Variants in GLMN observed in about 807,000 individuals in gnomAD.
GLMN encodes the protein glomulin, FKBP associated protein.
A neutral mutation model predicts 87.8 loss-of-function variants in GLMN; 75 were observed. That is an observed-to-expected ratio of 0.85 (90% CI 0.71 to 1.04). The LOEUF (loss-of-function observed/expected upper bound fraction) is 1.04. Among genes scored for constraint, GLMN ranks in the 50% least tolerant of loss-of-function variants. The pLI is 0.00. For synonymous variants in GLMN, 206 were observed against 221.6 expected (o/e 0.93, Z 0.63); for missense variants, 588 against 658.8 (o/e 0.89, Z 1.18).
At chr1:92,285,857 A>G (rs1648688600) in intron 7 of GLMN, among the ~76,000 whole-genome samples, 1 of 152,238 alleles carries the variant, frequency 6.6e-6, no homozygotes, top group African/African-American at 2.4e-5. Context: ...TCTAATACAG[A>G]ATCTGAGCAC....
At chr1:92,338,346 T>G in the GLMN span, among the ~76,000 whole-genome samples, 1 of 152,244 alleles carries the variant, frequency 6.6e-6, no homozygotes, top group Admixed American at 6.5e-5. Context: ...CAAAAGAGGA[T>G]TTGAGCAAAA....
chr1:92,361,723 T>C, the GLMN span, among the ~76,000 whole-genome samples: 22 of 152,308 alleles, frequency 1.4e-4, 1 homozygote, highest in East Asian at 4.0e-3. Context: ...CAAAGTTAGA[T>C]GTAAATGTGA....
the GLMN span, among the ~76,000 whole-genome samples, chr1:92,349,745 T>C: frequency 1.3e-5 from 2 of 152,052 alleles, no homozygotes; most frequent in Non-Finnish European, 2.9e-5. Context: ...CTGAGCAACA[T>C]AGTGAGACCC....
the GLMN span, chr1:92,323,332 C>T: frequency 6.4e-6 from 4 of 628,370 alleles, no homozygotes; most frequent in Admixed American, 9.7e-5. Flanking sequence ...ATAAAAATTT[C>T]TACCTTGAAA....
the GLMN span, among the ~76,000 whole-genome samples, chr1:92,368,664 G>A: frequency 2.5e-4 from 38 of 152,208 alleles, 1 homozygote; most frequent in Admixed American, 1.4e-3. Flanking sequence ...CAGTTATCTT[G>A]CCCAAACTTG....
chr1:92,324,334 G>A, the GLMN span: 7 of 1,613,914 alleles, frequency 4.3e-6, no homozygotes, highest in Non-Finnish European at 4.2e-6. Context: ...AGGACGGTAT[G>A]TTTTGGGTGA....
chr1:92,354,676 T>C, the GLMN span, among the ~76,000 whole-genome samples: 2 of 152,110 alleles, frequency 1.3e-5, no homozygotes, highest in Non-Finnish European at 2.9e-5. Context: ...TAGTTTCTTA[T>C]AATCAAAGTT....
chr1:92,358,783 T>G, the GLMN span, among the ~76,000 whole-genome samples: 1 of 152,190 alleles, frequency 6.6e-6, no homozygotes, highest in African/African-American at 2.4e-5. Flanking sequence ...GATAGGGGTC[T>G]CACTTTGTTG....
At chr1:92,291,841 C>T (rs532937497) in intron 3 of GLMN, among the ~76,000 whole-genome samples, 1 of 152,280 alleles carries the variant, frequency 6.6e-6, no homozygotes, top group Admixed American at 6.5e-5. Context: ...TTGCTTAATA[C>T]AGGTACTTAA....
At chr1:92,346,419 C>T in the GLMN span, among the ~76,000 whole-genome samples, 38 of 152,310 alleles carry the variant, frequency 2.5e-4, no homozygotes, top group East Asian at 3.3e-3. Flanking sequence ...CTGCCTCTAC[C>T]TCCCAAACTG....
At chr1:92,305,430 C>T in the GLMN span, among the ~76,000 whole-genome samples, 3 of 18,384 alleles carry the variant, frequency 1.6e-4, no homozygotes, top group Admixed American at 2.4e-3. Context: ...GAGGCTCCGT[C>T]TCAAAAAAAA....
chr1:92,256,705 C>A (rs1226909480), intron 16 of GLMN, among the ~76,000 whole-genome samples: 1 of 152,124 alleles, frequency 6.6e-6, no homozygotes, highest in East Asian at 1.9e-4. Context: ...AATTCAACAG[C>A]CCTTCATGCT....
the GLMN span, among the ~76,000 whole-genome samples, chr1:92,309,780 A>C: frequency 6.6e-6 from 1 of 152,198 alleles, no homozygotes; most frequent in Admixed American, 6.5e-5. Context: ...AAGTGAGAAA[A>C]TAAACTTGTG....
chr1:92,326,296 G>A, the GLMN span, among the ~76,000 whole-genome samples: 4 of 152,230 alleles, frequency 2.6e-5, no homozygotes, highest in African/African-American at 7.2e-5. Flanking sequence ...TGACCACTTG[G>A]ATAATCTCTT....
chr1:92,354,769 C>T, the GLMN span, among the ~76,000 whole-genome samples: 2 of 151,972 alleles, frequency 1.3e-5, no homozygotes, highest in South Asian at 2.1e-4. Flanking sequence ...TTCTTGTCTA[C>T]TTTTTTTGTT....
At position 92,291,413 on chromosome 1, in the gene GLMN, C is replaced by A. The variant is rs949365595; in HGVS notation, c.285+5G>T. The A allele has an allele frequency of 3.2e-6, 5 of 1,559,488 alleles. No homozygotes were observed. The highest frequency in any genetic ancestry group is 4.4e-6 in the Non-Finnish European group (5 of 1,130,480). On this transcript the variant is annotated splice_donor_5th_base_variant and intron_variant, in intron 4 of 18. Coordinates refer to ENST00000370360, the MANE Select transcript of GLMN (RefSeq NM_053274.3). ...GATAAAGAGAACCTTGTTTTGTTAA[C>A]TTACCTTTACCAATAAATCAAAGAT...
upstream of GLMN, chr1:92,301,735 A>T (rs6604089): frequency 0.85 from 340,615 of 402,332 alleles, 145,432 homozygotes; most frequent in East Asian, 1. Flanking sequence ...TCATGCATTT[A>T]AAAATAAACA....
chr1:92,250,487 C>A (rs1399914335), intron 16 of GLMN, among the ~76,000 whole-genome samples: 1 of 152,154 alleles, frequency 6.6e-6, no homozygotes, highest in Non-Finnish European at 1.5e-5. Context: ...AATAATGCAG[C>A]ATTTACATTG....
At chr1:92,347,189 C>T in the GLMN span, among the ~76,000 whole-genome samples, 1 of 152,132 alleles carries the variant, frequency 6.6e-6, no homozygotes, top group South Asian at 2.1e-4. Context: ...TTTTATCAAC[C>T]ATAAGAACAA....
Sources: gnomAD v4.1 joint callset for allele counts (sites outside exome capture counted in the v4.1 genomes callset) on GRCh38, gnomAD v4.1.1 for gene constraint, MANE v1.5 for transcripts, NCBI Gene and HGNC (gene_info 2026-07-23, HGNC 2026-07-21) for gene names.